CAB39L: variants seen among roughly 807,000 people sequenced by gnomAD.
CAB39L encodes the protein calcium-binding protein 39-like.
Under a neutral mutation model 39.1 loss-of-function variants are expected in CAB39L, and 23 were observed. The ratio of observed to expected loss-of-function variants is 0.59; its 90% CI spans 0.42 to 0.83. The LOEUF (loss-of-function observed/expected upper bound fraction) is 0.83, where lower values mean the gene tolerates loss of function less well. Among genes scored for constraint, CAB39L ranks in the 40% least tolerant of loss-of-function variants. The pLI is 0.00. For synonymous variants in CAB39L, 126 were observed against 137.2 expected (o/e 0.92, Z 0.57); for missense variants, 366 against 391.9 (o/e 0.93, Z 0.56).
At chr13:49,434,981 A>G (rs951372336) in intron 1 of CAB39L, among the ~76,000 whole-genome samples, 5 of 152,198 alleles carry the variant, frequency 3.3e-5, no homozygotes, top group Non-Finnish European at 7.3e-5. Flanking sequence ...ATGATGATTT[A>G]GGGTTAAAAC....
intron 3 of CAB39L, among the ~76,000 whole-genome samples, chr13:49,399,711 G>T (rs1956722998): frequency 6.6e-6 from 1 of 151,938 alleles, no homozygotes; most frequent in African/African-American, 2.4e-5. Context: ...CCTGGGAAAT[G>T]GTACCATCAC....
At chr13:49,355,322 T>C (rs147374968) in intron 6 of CAB39L, among the ~76,000 whole-genome samples, 65 of 152,116 alleles carry the variant, frequency 4.3e-4, no homozygotes, top group African/African-American at 1.3e-3. Context: ...GTTGAGACTA[T>C]AGTGAGCTGT....
At chr13:49,397,357 C>T (rs1294941822) in intron 3 of CAB39L, among the ~76,000 whole-genome samples, 1 of 151,992 alleles carries the variant, frequency 6.6e-6, no homozygotes, top group East Asian at 1.9e-4. Flanking sequence ...TAAAAATGGG[C>T]AATTTACACA....
intron 3 of CAB39L, among the ~76,000 whole-genome samples, chr13:49,391,630 T>G (rs1594044659): frequency 6.6e-6 from 1 of 152,104 alleles, no homozygotes; most frequent in Non-Finnish European, 1.5e-5. Context: ...CCAAACTAAT[T>G]TAAGTCTCTG....
chr13:49,395,381 A>G (rs1457613841), intron 3 of CAB39L, among the ~76,000 whole-genome samples: 3 of 151,398 alleles, frequency 2.0e-5, no homozygotes, highest in Non-Finnish European at 4.4e-5. Context: ...GATTACAGGC[A>G]CTCACCACCA....
intron 10 of CAB39L, among the ~76,000 whole-genome samples, chr13:49,316,735 G>A (rs1954169271): frequency 6.6e-6 from 1 of 152,172 alleles, no homozygotes; most frequent in Non-Finnish European, 1.5e-5. Context: ...AAAAAGATAT[G>A]TTCAAGTCCT....
intron 1 of CAB39L, among the ~76,000 whole-genome samples, chr13:49,442,815 A>AAAAAAAAAAAAAAAAAAC (rs1957561090): frequency 6.7e-6 from 1 of 148,934 alleles, no homozygotes; most frequent in African/African-American, 2.5e-5. Context: ...AAAAAAAAAA[A>AAAAAAAAAAAAAAAAAAC]AAAACATCAA....
At chr13:49,354,969 C>T (rs1276249545) in intron 6 of CAB39L, among the ~76,000 whole-genome samples, 2 of 152,116 alleles carry the variant, frequency 1.3e-5, no homozygotes, top group Non-Finnish European at 2.9e-5. Flanking sequence ...TGGAAGTAAA[C>T]AAGGCCAGGA....
intron 1 of CAB39L, 33 bp downstream of exon 1, chr13:49,443,953 C>T (rs1314625168): frequency 6.6e-6 from 3 of 456,706 alleles, no homozygotes; most frequent in East Asian, 6.9e-5. Context: ...AGCCCAGTCC[C>T]AGCCACACAC....
chr13:49,423,334 A>C (rs903909216), intron 3 of CAB39L, among the ~76,000 whole-genome samples: 2 of 152,250 alleles, frequency 1.3e-5, no homozygotes, highest in East Asian at 3.9e-4. Flanking sequence ...ATGCCTGTGC[A>C]GATCACAAAA....
intron 6 of CAB39L, 61 bp downstream of exon 6, chr13:49,359,653 C>T (rs529439412): frequency 3.0e-5 from 25 of 837,214 alleles, no homozygotes; most frequent in Middle Eastern, 2.4e-4. Context: ...GAGACTAATG[C>T]TATGCACTTT....
intron 10 of CAB39L, among the ~76,000 whole-genome samples, chr13:49,320,687 C>G (rs1294982483): frequency 6.6e-6 from 1 of 152,134 alleles, no homozygotes; most frequent in African/African-American, 2.4e-5. Context: ...GCTCCTGTTA[C>G]GGTTATGTGG....
intron 3 of CAB39L, among the ~76,000 whole-genome samples, chr13:49,407,839 G>T (rs1280130356): frequency 8.3e-6 from 1 of 120,788 alleles, no homozygotes; most frequent in Admixed American, 9.7e-5. Flanking sequence ...ACCAGCCTGA[G>T]CAACATAGCA....
At chr13:49,392,596 G>T (rs1191758579) in intron 3 of CAB39L, among the ~76,000 whole-genome samples, 1 of 152,004 alleles carries the variant, frequency 6.6e-6, no homozygotes, top group Non-Finnish European at 1.5e-5. Context: ...AGCCGAGATT[G>T]TACCACTGTA....
At chr13:49,341,685 T>C (rs1306906631) in intron 8 of CAB39L, among the ~76,000 whole-genome samples, 1 of 152,196 alleles carries the variant, frequency 6.6e-6, no homozygotes, top group Non-Finnish European at 1.5e-5. Flanking sequence ...AGGGTGACTA[T>C]AGTTAATAAT....
At chr13:49,363,392 G>T (rs1247640455) in intron 5 of CAB39L, among the ~76,000 whole-genome samples, 1 of 152,056 alleles carries the variant, frequency 6.6e-6, no homozygotes, top group East Asian at 1.9e-4. Context: ...TTCTTTCTGT[G>T]CATTTCTTTA....
At position 49,321,639 on chromosome 13, in the gene CAB39L, A is replaced by G. The variant is rs368014418; in HGVS notation, c.834+10308T>C. Among the ~76,000 whole-genome samples, 237 of 152,276 alleles carry G rather than the reference A, an allele frequency of 1.6e-3. 2 individuals carry two copies. The highest frequency in any genetic ancestry group is 5.5e-3 in the African/African-American group (229 of 41,560). On this transcript the variant is annotated intron_variant, in intron 10 of 10. Coordinates refer to ENST00000409308, the MANE Select transcript of CAB39L (RefSeq NM_001079670.3). ...TTCGCCCTCTCCATGTGTGGCAGTG[A>G]CCGACTATTTCGTTCAAATGTTCTT...
chr13:49,421,848 T>C (rs1273112758), intron 3 of CAB39L, among the ~76,000 whole-genome samples: 1 of 152,038 alleles, frequency 6.6e-6, no homozygotes, highest in East Asian at 1.9e-4. Flanking sequence ...CCAGCAGTAG[T>C]GTTGGAGGGT....
intron 9 of CAB39L, among the ~76,000 whole-genome samples, chr13:49,336,710 A>G (rs567296723): frequency 1.3e-5 from 2 of 152,292 alleles, no homozygotes; most frequent in African/African-American, 2.4e-5. Context: ...TCCAATTGCC[A>G]TCTTCCTTCC....
Sources: gnomAD v4.1 joint callset for allele counts (sites outside exome capture counted in the v4.1 genomes callset) on GRCh38, gnomAD v4.1.1 for gene constraint, MANE v1.5 for transcripts, NCBI Gene and HGNC (gene_info 2026-07-23, HGNC 2026-07-21) for gene names.